STAM: variants seen among roughly 807,000 people sequenced by gnomAD.
The protein encoded by STAM is signal transducing adapter molecule 1.
In STAM, 16 loss-of-function variants were observed where a neutral mutation model predicts 63.4. That is an observed-to-expected ratio of 0.25 (90% CI 0.17 to 0.38). The LOEUF (loss-of-function observed/expected upper bound fraction) is 0.38, where lower values mean the gene tolerates loss of function less well. Ranked by LOEUF, STAM falls within the 10% of genes least tolerant of loss-of-function variation. STAM has a pLI of 1.00. For synonymous variants in STAM, 238 were observed against 223.9 expected, an observed-to-expected ratio of 1.06 and a Z score of -0.56; for missense variants, 636 against 657.1, an observed-to-expected ratio of 0.97 and a Z score of 0.35.
At chr10:17,669,729 G>A (rs1554823830) in intron 2 of STAM, among the ~76,000 whole-genome samples, 2 of 143,868 alleles carry the variant, frequency 1.4e-5, no homozygotes, top group Non-Finnish European at 3.0e-5. Context: ...ATGGAGTCTC[G>A]CTCTGTCACC....
chr10:17,713,041 C>T (rs1311088071), intron 13 of STAM, among the ~76,000 whole-genome samples: 3 of 152,156 alleles, frequency 2.0e-5, no homozygotes, highest in Non-Finnish European at 4.4e-5. Flanking sequence ...TGGTGATGCC[C>T]ATACTGCTAG....
chr10:17,644,315 G>T lies in STAM; in HGVS notation c.-25G>T. ...CCCGTGCTGTCGAGAGGGAGTCCCC[G>T]GGGACACCTCGGCACGCAGCGGAGA... On this transcript the variant is annotated 5_prime_UTR_variant, in exon 1 of 14. Transcript: ENST00000377524. 6.2e-7 allele frequency: 1 copy of T among 1,613,750 alleles called. No homozygotes were observed. The highest frequency in any genetic ancestry group is 2.2e-5 in the East Asian group (1 of 44,852).
At chr10:17,702,735 C>T (rs1450133266) in intron 9 of STAM, among the ~76,000 whole-genome samples, 1 of 152,090 alleles carries the variant, frequency 6.6e-6, no homozygotes, top group African/African-American at 2.4e-5. Context: ...GCTGGCCAGG[C>T]GCAGTGGCTC....
chr10:17,655,172 A>G (rs1833889272), intron 1 of STAM, among the ~76,000 whole-genome samples: 1 of 152,096 alleles, frequency 6.6e-6, no homozygotes, highest in East Asian at 1.9e-4. Flanking sequence ...ATCTAAGTCT[A>G]TCTGCTGGTT....
chr10:17,700,133 T>G, intron 8 of STAM, 58 bp from the exon 9 acceptor site: 1 of 1,413,456 alleles, frequency 7.1e-7, no homozygotes, highest in Non-Finnish European at 9.7e-7. Flanking sequence ...GTTAAAGTGC[T>G]TTAAAGTAGA....
chr10:17,698,634 G>C (rs1166981956), intron 8 of STAM, among the ~76,000 whole-genome samples: 1 of 152,006 alleles, frequency 6.6e-6, no homozygotes, highest in Non-Finnish European at 1.5e-5. Context: ...ATTTCACTTA[G>C]CCTGTCAAAG....
chr10:17,680,541 G>A (rs116289462), intron 2 of STAM, among the ~76,000 whole-genome samples: 1 of 151,844 alleles, frequency 6.6e-6, no homozygotes, highest in Non-Finnish European at 1.5e-5. Context: ...GAATAGCTGG[G>A]ACTACAAGTG....
chr10:17,651,189 C>T (rs907302737), intron 1 of STAM, among the ~76,000 whole-genome samples: 2 of 151,758 alleles, frequency 1.3e-5, no homozygotes, highest in South Asian at 4.2e-4. Flanking sequence ...TGAGCCTCAC[C>T]TTCCACTTTT....
At chr10:17,663,097 A>G (rs1384454513) in intron 2 of STAM, among the ~76,000 whole-genome samples, 2 of 152,172 alleles carry the variant, frequency 1.3e-5, no homozygotes, top group Non-Finnish European at 2.9e-5. Flanking sequence ...ACAACTATAA[A>G]TATTCCATGT....
chr10:17,693,378 A>G, intron 6 of STAM, 66 bp downstream of exon 6: 2 of 1,333,628 alleles, frequency 1.5e-6, no homozygotes, highest in Non-Finnish European at 2.1e-6. Context: ...AGATATTTAA[A>G]GGTAAAATAA....
At position 17,652,178 on chromosome 10, in the gene STAM, A is replaced by G. The variant is rs1368124029; in HGVS notation, c.40+7799A>G. On this transcript the variant is annotated intron_variant, in intron 1 of 13. Transcript: ENST00000377524. ...CCCACAAACCCTGTTTTTGTCTTAG[A>G]AAATAAATAGTTTTGACTTCATTTG... is the stretch of plus-strand genomic sequence containing the variant. Among the ~76,000 whole-genome samples, 3 of 152,158 alleles carry G rather than the reference A, an allele frequency of 2.0e-5. No homozygotes were observed. The East Asian group carries it at 5.8e-4, about 29-fold the overall frequency.
chr10:17,680,356 G>A (rs1407537717), intron 2 of STAM, among the ~76,000 whole-genome samples: 3 of 151,062 alleles, frequency 2.0e-5, no homozygotes, highest in Admixed American at 6.6e-5. Context: ...CTCCCCATTC[G>A]CTGCTCCCCA....
rs148920900 is a variant in STAM, at chr10:17,697,097, G to C, written c.823+228G>C. Among the ~76,000 whole-genome samples, 576 of 152,088 alleles carry C rather than the reference G, an allele frequency of 3.8e-3. 1 individual carries two copies. Among genetic ancestry groups the C allele is most frequent in the African/African-American group, 0.013 (544 of 41,498 alleles). On this transcript the variant is annotated intron_variant, in intron 8 of 13. Coordinates refer to ENST00000377524, the MANE Select transcript of STAM (RefSeq NM_003473.4). ...GCCATGTCCAGCTGTTTTTGTGTGTGTATGTATTTTTAGTAGAGACAGGGT... is the reference window on the plus strand; with the variant it reads ...GCCATGTCCAGCTGTTTTTGTGTGTCTATGTATTTTTAGTAGAGACAGGGT...
chr10:17,703,076 T>G (rs1554828750), intron 9 of STAM, among the ~76,000 whole-genome samples: 1 of 150,152 alleles, frequency 6.7e-6, no homozygotes, highest in African/African-American at 2.5e-5. Flanking sequence ...AGACTAATCA[T>G]CTATGTAGAA....
At chr10:17,675,039 G>T (rs531155000) in intron 2 of STAM, among the ~76,000 whole-genome samples, 2 of 152,154 alleles carry the variant, frequency 1.3e-5, no homozygotes, top group African/African-American at 4.8e-5. Context: ...GTTGAAAGAT[G>T]TACCCATTTG....
At chr10:17,706,160 AAT>A (rs1473877594) in intron 12 of STAM, among the ~76,000 whole-genome samples, 1 of 152,108 alleles carries the variant, frequency 6.6e-6, no homozygotes, top group African/African-American at 2.4e-5. Context: ...TTAAAATTAA[AAT>A]AAAGTTTAAC....
chr10:17,708,799 T>A lies in STAM; in HGVS notation c.1233T>A (p.Ser411Arg). The A allele has an allele frequency of 1.2e-6, 2 of 1,613,788 alleles. No individual in the cohort carries two copies. The highest frequency in any genetic ancestry group is 1.7e-6 in the Non-Finnish European group (2 of 1,179,754). The change falls in exon 13 of 14, where the codon AGT (serine) becomes AGA (arginine). Residue 411 changes from serine to arginine, a missense_variant. This residue lies in a region of STAM where 532 missense variants were observed against 536.9 expected (regional missense o/e 0.99). Coordinates refer to ENST00000377524, the MANE Select transcript of STAM (RefSeq NM_003473.4). ...AGGTGTATGCAGGGCCTCCTCCAAG[T>A]GGTGCCTACCTGGTTGCAGGGAACG... Reference protein sequence around the residue: ...GSQVYAGPPPSGAYLVAGNAQ... With the variant: ...GSQVYAGPPPRGAYLVAGNAQ...
Position 17,709,731 on chromosome 10 carries a change from G to C in STAM, c.1385+780G>C, listed in dbSNP as rs78698536. 3.1e-3 allele frequency among the ~76,000 whole-genome samples: 473 copies of C among 151,934 alleles called. 3 individuals are homozygous for C. Among genetic ancestry groups the C allele is most frequent in the African/African-American group, 0.011 (439 of 41,424 alleles). Reference sequence around the variant, plus strand: ...ACAACTTCTAGAAACCTTTCCAGCAGTGTTAGGATTGCCCAGGAATGCTCC... The same window carrying C: ...ACAACTTCTAGAAACCTTTCCAGCACTGTTAGGATTGCCCAGGAATGCTCC... On this transcript the variant is annotated intron_variant, in intron 13 of 13. Transcript: ENST00000377524.
At chr10:17,669,095 A>G (rs573574600) in intron 2 of STAM, among the ~76,000 whole-genome samples, 47 of 152,294 alleles carry the variant, frequency 3.1e-4, no homozygotes, top group Middle Eastern at 3.4e-3. Context: ...TCTATTTGGA[A>G]TTTATCCTGT....
Sources: gnomAD v4.1 joint callset for allele counts (sites outside exome capture counted in the v4.1 genomes callset) on GRCh38, gnomAD v4.1.1 for gene constraint, gnomAD v4.1.1 regional missense constraint, MANE v1.5 for transcripts, NCBI Gene and HGNC (gene_info 2026-07-23, HGNC 2026-07-21) for gene names.